Variants in SGCZ observed in about 807,000 individuals in gnomAD.
The protein encoded by SGCZ is zeta-sarcoglycan.
In SGCZ, 40 loss-of-function variants were observed where a neutral mutation model predicts 41.3. The observed-to-expected ratio is 0.97, with a 90% CI of 0.75 to 1.26. The LOEUF (loss-of-function observed/expected upper bound fraction) is 1.26, where lower values mean the gene tolerates loss of function less well. Ranked by LOEUF, SGCZ falls within the 50% of genes most tolerant of loss-of-function variation. SGCZ has a pLI of 0.00. For synonymous variants in SGCZ, 206 were observed against 137.5 expected (o/e 1.50, Z -3.49); for missense variants, 552 against 369.8 (o/e 1.49, Z -4.04).
chr8:14,665,782 A>T (rs17119987), intron 1 of SGCZ, among the ~76,000 whole-genome samples: 8,289 of 152,234 alleles, frequency 0.054, 322 homozygotes, highest in East Asian at 0.17. Flanking sequence ...CTGTGTAGAA[A>T]TCTTTACTAG....
intron 1 of SGCZ, among the ~76,000 whole-genome samples, chr8:14,852,563 G>T (rs1308747639): frequency 6.6e-6 from 1 of 152,084 alleles, no homozygotes; most frequent in African/African-American, 2.4e-5. Context: ...ACCAACAATT[G>T]CCTGAAAATA....
At chr8:14,190,289 G>A (rs187859096) in intron 4 of SGCZ, among the ~76,000 whole-genome samples, 10 of 152,044 alleles carry the variant, frequency 6.6e-5, no homozygotes, top group Middle Eastern at 3.4e-3. Context: ...CAGGATTACA[G>A]GCGTGAGCCA....
intron 3 of SGCZ, among the ~76,000 whole-genome samples, chr8:14,302,527 C>T (rs1409536960): frequency 6.6e-6 from 1 of 152,056 alleles, no homozygotes. Context: ...TTTCCAAGTT[C>T]TGACCTACAC....
intron 1 of SGCZ, among the ~76,000 whole-genome samples, chr8:14,661,519 A>G (rs1454854157): frequency 1.3e-5 from 2 of 152,224 alleles, no homozygotes; most frequent in African/African-American, 4.8e-5. Flanking sequence ...CCAATCAAAC[A>G]TTGAGGCATG....
chr8:14,325,781 T>C (rs1256260175), intron 2 of SGCZ, among the ~76,000 whole-genome samples: 24 of 86,168 alleles, frequency 2.8e-4, no homozygotes, highest in Non-Finnish European at 5.2e-4. Flanking sequence ...TATATATATA[T>C]ATATATATAT....
chr8:14,291,187 T>A (rs28667425), intron 3 of SGCZ, among the ~76,000 whole-genome samples: 2 of 152,002 alleles, frequency 1.3e-5, no homozygotes, highest in South Asian at 4.1e-4. Context: ...AATTATTAAA[T>A]AGGCACAAAG....
At chr8:14,718,074 A>G (rs907355258) in intron 1 of SGCZ, among the ~76,000 whole-genome samples, 1 of 151,070 alleles carries the variant, frequency 6.6e-6, no homozygotes, top group Non-Finnish European at 1.5e-5. Flanking sequence ...TTATCTTTGA[A>G]AATCACTTTA....
In SGCZ at chr8:14,868,060, T is replaced by G. The variant is rs1022604230; in HGVS notation, c.40-313134A>C. ...CTATGTTTCAGACATACTTAGCTAA[T>G]TTGAGCTTCAAGACTGTGTCAAACT... On this transcript the variant is annotated intron_variant, in intron 1 of 7. Coordinates refer to ENST00000382080, the MANE Select transcript of SGCZ (RefSeq NM_139167.4). Among the ~76,000 whole-genome samples the G allele has an allele frequency of 2.0e-5, 3 of 152,318 alleles. No individual in the cohort carries two copies. In the South Asian group the frequency reaches 6.2e-4, roughly 32 times the overall value.
At chr8:14,169,804 G>A (rs1432267653) in intron 4 of SGCZ, among the ~76,000 whole-genome samples, 1 of 152,170 alleles carries the variant, frequency 6.6e-6, no homozygotes, top group African/African-American at 2.4e-5. Context: ...TACCGAGCAT[G>A]ATATAAACTT....
At chr8:15,224,941 A>T (rs1347872854) in intron 1 of SGCZ, among the ~76,000 whole-genome samples, 2 of 152,214 alleles carry the variant, frequency 1.3e-5, no homozygotes, top group Non-Finnish European at 2.9e-5. Context: ...ACATAGTCTC[A>T]AATATATAAG....
chr8:14,440,371 T>G (rs1464708208), intron 2 of SGCZ, among the ~76,000 whole-genome samples: 1 of 152,156 alleles, frequency 6.6e-6, no homozygotes, highest in African/African-American at 2.4e-5. Context: ...AATTTTGAAT[T>G]TGGTGATAAA....
rs964250528 is a variant in SGCZ at position 14,085,164 on chromosome 8, A to C, written c.*5279T>G. ...TAGAAAAAGTGATTTTACATAAAGC[A>C]AGATAGAGTACAAAAGCACAGCTTT... On this transcript the variant is annotated 3_prime_UTR_variant, in exon 8 of 8. Transcript: ENST00000382080. Among the ~76,000 whole-genome samples, 1 of 151,844 alleles carries C rather than the reference A, an allele frequency of 6.6e-6. No homozygotes were observed. Among genetic ancestry groups the C allele is most frequent in the Non-Finnish European group, 1.5e-5 (1 of 67,824 alleles).
chr8:14,093,115 T>C (rs1456481454), intron 7 of SGCZ, among the ~76,000 whole-genome samples: 1 of 152,068 alleles, frequency 6.6e-6, no homozygotes, highest in Non-Finnish European at 1.5e-5. Flanking sequence ...TTGTTTCCAC[T>C]GATATATAGC....
In SGCZ at chr8:14,352,464, G is replaced by A. The variant is rs139446808; in HGVS notation, c.235-28260C>T. Among the ~76,000 whole-genome samples, 246 of 152,166 alleles carry A rather than the reference G, an allele frequency of 1.6e-3. 2 individuals carry two copies. Among genetic ancestry groups the A allele is most frequent in the African/African-American group, 5.2e-3 (217 of 41,540 alleles). The stretch of plus-strand genomic sequence containing the variant: ...TTTATAAAAGCCAAGAAAATTTGAC[G>A]TAAGCAGAGACATCAAAGACAGAAA... On this transcript the variant is annotated intron_variant, in intron 2 of 7. Transcript: ENST00000382080.
chr8:14,235,734 G>C (rs958055386), intron 4 of SGCZ, among the ~76,000 whole-genome samples: 4 of 152,098 alleles, frequency 2.6e-5, no homozygotes, highest in Non-Finnish European at 4.4e-5. Context: ...CCCCAGGCTG[G>C]AGTGCAGTGG....
chr8:15,175,973 G>T (rs1017230194), intron 1 of SGCZ, among the ~76,000 whole-genome samples: 1 of 152,076 alleles, frequency 6.6e-6, no homozygotes, highest in South Asian at 2.1e-4. Flanking sequence ...CTTTCAGACA[G>T]CATTAAACAC....
chr8:14,159,602 G>C (rs1349624694), intron 5 of SGCZ, among the ~76,000 whole-genome samples: 1 of 152,120 alleles, frequency 6.6e-6, no homozygotes, highest in Non-Finnish European at 1.5e-5. Context: ...GACTGATCCA[G>C]GTCTACAAAC....
chr8:15,144,722 G>A (rs576550325), intron 1 of SGCZ, among the ~76,000 whole-genome samples: 4 of 152,348 alleles, frequency 2.6e-5, no homozygotes, highest in African/African-American at 9.6e-5. Context: ...CTCCCAAAGT[G>A]CTGGGGTTAC....
chr8:15,129,542 A>T (rs1807822089), intron 1 of SGCZ, among the ~76,000 whole-genome samples: 1 of 152,106 alleles, frequency 6.6e-6, no homozygotes, highest in Non-Finnish European at 1.5e-5. Context: ...GAAATTTGTC[A>T]GAAACTCACA....
Sources: allele counts gnomAD v4.1 joint callset (sites outside exome capture counted in the v4.1 genomes callset), GRCh38; gene constraint gnomAD v4.1.1; transcripts MANE v1.5; gene names NCBI Gene and HGNC (gene_info 2026-07-23, HGNC 2026-07-21).